The following GOLGA4 variants were observed in gnomAD, a reference collection of about 807,000 sequenced individuals.
GOLGA4 encodes the protein golgin subfamily A member 4.
In GOLGA4, 169 loss-of-function variants were observed where a neutral mutation model predicts 265.9. The observed-to-expected ratio is 0.64, with a 90% confidence interval of 0.56 to 0.72. The LOEUF is 0.72. GOLGA4 is among the 30% of genes least tolerant of loss of function. GOLGA4 has a pLI of 0.00. For synonymous variants in GOLGA4, 923 were observed against 855.8 expected, an observed-to-expected ratio of 1.08 and a Z score of -1.37; for missense variants, 2,482 against 2,483.4, an observed-to-expected ratio of 1.00 and a Z score of 0.01.
Position 37,360,886 on chromosome 3 carries a change from A to C in GOLGA4, c.6664-357A>C, listed in dbSNP as rs1310395437. ...ATTGAGATTATGTAAATCAAATTTT[A>C]ATGTGTACTTTCATGGAATTATGAA... On this transcript the variant is annotated intron_variant, in intron 22 of 23. Transcript: ENST00000361924. 2.0e-5 allele frequency among the ~76,000 whole-genome samples: 3 copies of C among 152,188 alleles called. No individual in the cohort carries two copies. The East Asian group carries it at 5.8e-4, about 29-fold the overall frequency.
chr3:37,270,448 C>T (rs1040531934), intron 2 of GOLGA4, among the ~76,000 whole-genome samples: 1 of 152,094 alleles, frequency 6.6e-6, no homozygotes, highest in Non-Finnish European at 1.5e-5. Context: ...GAACTCCTTA[C>T]CTCAGGTGAT....
At chr3:37,298,751 T>A in intron 7 of GOLGA4, 82 bp from the exon 8 acceptor site, 3 of 908,020 alleles carry the variant, frequency 3.3e-6, no homozygotes, top group Non-Finnish European at 5.2e-6. Context: ...ATTAGATCTC[T>A]TTGACTGTCT....
chr3:37,278,044 A>G (rs1228630669), intron 2 of GOLGA4, among the ~76,000 whole-genome samples: 5 of 152,236 alleles, frequency 3.3e-5, no homozygotes, highest in Admixed American at 6.5e-5. Flanking sequence ...TTTCAAAAAC[A>G]AAGTACATTT....
chr3:37,332,923 T>C (rs766882563), intron 16 of GOLGA4, among the ~76,000 whole-genome samples: 18 of 152,254 alleles, frequency 1.2e-4, no homozygotes, highest in Non-Finnish European at 1.8e-4. Context: ...TTGTTACTTA[T>C]GTGATTTTTG....
intron 11 of GOLGA4, 63 bp downstream of exon 11, chr3:37,315,661 T>C: frequency 9.1e-6 from 12 of 1,315,148 alleles, no homozygotes; most frequent in Non-Finnish European, 1.2e-5. Flanking sequence ...TATTTTTCCT[T>C]ACACTCTTTG....
chr3:37,264,900 G>T (rs980267307), intron 2 of GOLGA4, among the ~76,000 whole-genome samples: 1 of 151,990 alleles, frequency 6.6e-6, no homozygotes, highest in Non-Finnish European at 1.5e-5. Context: ...TTGTTATGTT[G>T]TCCAGGCTGG....
chr3:37,336,587 C>A (rs909734245), intron 17 of GOLGA4, among the ~76,000 whole-genome samples: 11 of 149,518 alleles, frequency 7.4e-5, no homozygotes, highest in African/African-American at 2.7e-4. Context: ...ATGGAGAAAC[C>A]CCATCTCTGC....
Position 37,335,100 on chromosome 3 carries a change from A to G in GOLGA4, c.6240A>G (p.Gln2080=). ...MTAKVRDLQT[Q]LEELQKKYQQ... is the part of the protein sequence containing the mutation. Reference sequence around the variant, plus strand: ...CAAAAGTAAGGGACCTGCAGACTCAACTTGAGGAGCTGCAGAAGAAATACC... The same window carrying G: ...CAAAAGTAAGGGACCTGCAGACTCAGCTTGAGGAGCTGCAGAAGAAATACC... Residue 2080 remains glutamine (Q), a synonymous_variant, in exon 17 of 24, where the codon CAA becomes CAG. Transcript: ENST00000361924. The G allele has an allele frequency of 1.2e-6, 2 of 1,610,628 alleles. No individual in the cohort carries two copies. The highest frequency in any genetic ancestry group is 1.7e-6 in the Non-Finnish European group (2 of 1,177,844).
intron 23 of GOLGA4, among the ~76,000 whole-genome samples, chr3:37,365,096 T>G (rs1328238446): frequency 6.6e-6 from 1 of 151,018 alleles, no homozygotes; most frequent in Non-Finnish European, 1.5e-5. Flanking sequence ...GGGATCTCAC[T>G]ATGTTGCCCA....
In GOLGA4 at chr3:37,358,805, T is replaced by TG. The variant is rs1219502622; in HGVS notation, c.6664-2437dup. ...CACACGGTGATACCAGCCCACAAAA[T>TG]GCCCCCATCTCCAACTTCGGTACCT... On this transcript the variant is annotated intron_variant, in intron 22 of 23. Transcript: ENST00000361924. 1.6e-4 allele frequency among the ~76,000 whole-genome samples: 25 copies of TG among 152,282 alleles called. No homozygotes were observed. In the East Asian group the frequency reaches 4.2e-3, roughly 26 times the overall value.
intron 20 of GOLGA4, among the ~76,000 whole-genome samples, chr3:37,341,391 G>C (rs1002275319): frequency 6.6e-6 from 1 of 152,072 alleles, no homozygotes; most frequent in African/African-American, 2.4e-5. Context: ...GGAAGCATGA[G>C]GACATAAAAA....
chr3:37,302,006 C>T (rs1411028925), intron 9 of GOLGA4, among the ~76,000 whole-genome samples, 179 bp from the exon 10 acceptor site: 1 of 152,172 alleles, frequency 6.6e-6, no homozygotes, highest in Non-Finnish European at 1.5e-5. Flanking sequence ...CCAGGCTGGT[C>T]TCGAACTCCT....
At chr3:37,309,337 C>T (rs1010753748) in intron 10 of GOLGA4, among the ~76,000 whole-genome samples, 1 of 151,586 alleles carries the variant, frequency 6.6e-6, no homozygotes, top group African/African-American at 2.4e-5. Context: ...GGGCGGATTA[C>T]CTGAGGTCAG....
At chr3:37,272,226 G>A (rs2096800770) in intron 2 of GOLGA4, among the ~76,000 whole-genome samples, 1 of 152,088 alleles carries the variant, frequency 6.6e-6, no homozygotes, top group Non-Finnish European at 1.5e-5. Context: ...ACCCGTCCCT[G>A]GTGCCAAAAA....
chr3:37,314,682 C>CACACAT lies in GOLGA4; in HGVS notation c.1235-738_1235-737insACACAT, dbSNP rs148252805. 2.8e-5 allele frequency among the ~76,000 whole-genome samples: 4 copies of CACACAT among 142,692 alleles called. No homozygotes were observed. In the South Asian group the frequency reaches 7.2e-4, roughly 26 times the overall value. 93.6% of individuals were successfully genotyped at this position (142,692 alleles called of 152,430 possible). A position where few individuals can be genotyped will look rare whatever the true frequency, so the allele number is the denominator to read the frequency against. On this transcript the variant is annotated intron_variant, in intron 10 of 23. Coordinates refer to ENST00000361924, the MANE Select transcript of GOLGA4 (RefSeq NM_002078.5). ...ACACACACACACACACACACACACACGAAAAAAACCTTACTACTCTAGCCA... is the reference window on the plus strand; with the variant it reads ...ACACACACACACACACACACACACACACACATGAAAAAAACCTTACTACTCTAGCCA...
chr3:37,253,250 A>G (rs1218895545), intron 2 of GOLGA4, among the ~76,000 whole-genome samples: 1 of 147,846 alleles, frequency 6.8e-6, no homozygotes, highest in Non-Finnish European at 1.5e-5. Context: ...CTGTCTTTCA[A>G]AAAAAAAAAA....
chr3:37,251,394 G>T lies in GOLGA4; in HGVS notation c.73-1G>T. ...ATTTGTGCAATAATTTTTAAATCTA[G>T]GCGTCCTCCAATTCTTCAACACCAA... On this transcript the variant is annotated splice_acceptor_variant, in intron 1 of 23. Transcript: ENST00000361924. LOFTEE classifies it high-confidence loss of function. The T allele has an allele frequency of 6.2e-7, 1 of 1,602,248 alleles. No homozygotes were observed. The highest frequency in any genetic ancestry group is 1.3e-5 in the African/African-American group (1 of 74,726).
At position 37,325,534 on chromosome 3, in the gene GOLGA4, G is replaced by A. The variant is rs752910325; in HGVS notation, c.3648G>A (p.Gln1216=). The part of the protein sequence containing the change: ...FKKLSEELAI[Q]LDICCKKTEA... Reference sequence around the variant, plus strand: ...AACTGTCTGAGGAACTAGCGATTCAGCTAGATATTTGCTGTAAGAAAACCG... The same window carrying A: ...AACTGTCTGAGGAACTAGCGATTCAACTAGATATTTGCTGTAAGAAAACCG... The change falls in exon 14 of 24, where the codon CAG becomes CAA. Residue 1216 remains glutamine (Q), a synonymous_variant. Coordinates refer to ENST00000361924, the MANE Select transcript of GOLGA4 (RefSeq NM_002078.5). 1.2e-6 allele frequency: 2 copies of A among 1,613,772 alleles called. No individual in the cohort carries two copies. Among genetic ancestry groups the A allele is most frequent in the South Asian group, 1.1e-5 (1 of 91,048 alleles).
chr3:37,284,727 C>G (rs80190878), intron 3 of GOLGA4, among the ~76,000 whole-genome samples: 5,787 of 148,782 alleles, frequency 0.039, 142 homozygotes, highest in African/African-American at 0.057. Flanking sequence ...GCAGTGGCAT[C>G]ATCACGGCTC....
Sources: allele counts gnomAD v4.1 joint callset (sites outside exome capture counted in the v4.1 genomes callset), GRCh38; gene constraint gnomAD v4.1.1; transcripts MANE v1.5; gene names NCBI Gene and HGNC (gene_info 2026-07-23, HGNC 2026-07-21).